XRRA1: variants seen among roughly 807,000 people sequenced by gnomAD.
XRRA1 encodes X-ray radiation resistance-associated protein 1.
A neutral mutation model predicts 80.2 loss-of-function variants in XRRA1; 69 were observed. The ratio of observed to expected loss-of-function variants is 0.86; its 90% confidence interval spans 0.71 to 1.05. The LOEUF (loss-of-function observed/expected upper bound fraction) is 1.05, where lower values mean the gene tolerates loss of function less well. XRRA1 is among the 50% of genes least tolerant of loss of function. The probability of loss-of-function intolerance (pLI) is 0.00; values close to 1 mark genes in which losing one functional copy is unlikely to be tolerated. For synonymous variants in XRRA1, 348 were observed against 389.9 expected (o/e 0.89, Z 1.27); for missense variants, 967 against 976.4 (o/e 0.99, Z 0.13).
rs745576276 is a variant in XRRA1, at chr11:74,843,377, CTTCAACAGCCTCTTG to C, written c.2211_2225del (p.Lys738_Lys742del). 14 of 1,612,190 alleles carry C rather than the reference CTTCAACAGCCTCTTG, an allele frequency of 8.7e-6. No individual in the cohort carries two copies. The highest frequency in any genetic ancestry group is 1.1e-5 in the Non-Finnish European group (13 of 1,179,254). The stretch of plus-strand genomic sequence containing the variant: ...GCTGCCGGTAACGTGCCTGGAACTC[CTTCAACAGCCTCTTG>C]GCCTCCAGGTACTGCTTGTGGTTCA... On this transcript the variant is annotated inframe_deletion, in exon 19 of 19. Coordinates refer to ENST00000684022, the MANE Select transcript of XRRA1 (RefSeq NM_001378157.1).
At chr11:74,944,154 C>T (rs1448372055) in intron 2 of XRRA1, among the ~76,000 whole-genome samples, 1 of 152,156 alleles carries the variant, frequency 6.6e-6, no homozygotes, top group African/African-American at 2.4e-5. Context: ...TCTTTCGTGG[C>T]CCGACCTCAC....
At chr11:74,887,563 C>T (rs745671133) in intron 10 of XRRA1, among the ~76,000 whole-genome samples, 3 of 152,094 alleles carry the variant, frequency 2.0e-5, no homozygotes, top group Non-Finnish European at 2.9e-5. Flanking sequence ...TGGGGAGTGT[C>T]GGAAAGTGGG....
intron 10 of XRRA1, among the ~76,000 whole-genome samples, chr11:74,878,825 C>G (rs1405065426): frequency 6.6e-6 from 1 of 151,616 alleles, no homozygotes; most frequent in African/African-American, 2.4e-5. Context: ...TGGTCTATAT[C>G]TCTGTTTTGG....
intron 10 of XRRA1, among the ~76,000 whole-genome samples, chr11:74,887,903 G>C (rs998205268): frequency 1.3e-5 from 2 of 152,130 alleles, no homozygotes; most frequent in Admixed American, 1.3e-4. Flanking sequence ...CGAGGCTTGA[G>C]TAGGTAAACA....
intron 10 of XRRA1, among the ~76,000 whole-genome samples, chr11:74,875,429 A>G (rs970357184): frequency 6.6e-6 from 1 of 152,108 alleles, no homozygotes; most frequent in Non-Finnish European, 1.5e-5. Flanking sequence ...GGCAAACTCC[A>G]CTTGCCAGCC....
intron 9 of XRRA1, among the ~76,000 whole-genome samples, 154 bp from the exon 10 acceptor site, chr11:74,906,610 A>G (rs1032759091): frequency 6.6e-6 from 1 of 152,134 alleles, no homozygotes; most frequent in African/African-American, 2.4e-5. Flanking sequence ...CTGGGATTCA[A>G]TATCCCTGTC....
chr11:74,941,798 T>C (rs550628017), intron 2 of XRRA1, among the ~76,000 whole-genome samples: 87 of 151,442 alleles, frequency 5.7e-4, no homozygotes, highest in African/African-American at 2.0e-3. Flanking sequence ...TTCATGTTAA[T>C]AAACTAAAGA....
chr11:74,879,206 A>G (rs1368826822), intron 10 of XRRA1, among the ~76,000 whole-genome samples: 48 of 150,176 alleles, frequency 3.2e-4, no homozygotes, highest in African/African-American at 1.1e-3. Flanking sequence ...ATTCCTAGGT[A>G]TTTTATTCTC....
chr11:74,887,493 G>C (rs2049331141), intron 10 of XRRA1, among the ~76,000 whole-genome samples: 1 of 152,230 alleles, frequency 6.6e-6, no homozygotes, highest in Admixed American at 6.5e-5. Context: ...CTCCCAGCAT[G>C]AGCGACGCAG....
intron 10 of XRRA1, among the ~76,000 whole-genome samples, chr11:74,883,519 GC>G (rs1434139412): frequency 6.6e-6 from 1 of 151,426 alleles, no homozygotes; most frequent in African/African-American, 2.4e-5. Flanking sequence ...TTCCTATTCG[GC>G]CATCTTGGCT....
Position 74,843,914 on chromosome 11 carries a change from G to A in XRRA1, c.2089C>T (p.Leu697Phe), listed in dbSNP as rs754067985. The A allele has an allele frequency of 4.2e-5, 68 of 1,613,622 alleles. No individual in the cohort carries two copies. The highest frequency in any genetic ancestry group is 4.9e-5 in the Non-Finnish European group (58 of 1,179,808). ...AAGCGAATGAAGATGTCATCCAGAA[G>A]TTGGGCTCTAGTCTTCTTTGGGGGT... is the stretch of plus-strand genomic sequence containing the variant. ...IPPPKKTRAQ[L>F]LDDIFIRLRD... The change falls in exon 18 of 19, where the codon CTT becomes TTT. Residue 697 changes from leucine (L) to phenylalanine (F), a missense_variant. Leu to Phe is a conservative substitution (Grantham distance 22). Transcript: ENST00000684022.
At chr11:74,925,428 C>G (rs1941977093) in intron 7 of XRRA1, among the ~76,000 whole-genome samples, 1 of 152,182 alleles carries the variant, frequency 6.6e-6, no homozygotes. Context: ...TCTGCTGAGT[C>G]ACATCAAGTT....
In XRRA1 at chr11:74,856,213, A is replaced by G. The variant is rs563013008; in HGVS notation, c.1170+2945T>C. Reference sequence around the variant, plus strand: ...CATGTATCAGGTAATATTCTAGATAATGAGCATATAAGATGTAAGCAAAAC... The same window carrying G: ...CATGTATCAGGTAATATTCTAGATAGTGAGCATATAAGATGTAAGCAAAAC... On this transcript the variant is annotated intron_variant, in intron 12 of 18. Transcript: ENST00000684022. Among the ~76,000 whole-genome samples, 52 of 152,356 alleles carry G rather than the reference A, an allele frequency of 3.4e-4. 1 individual carries two copies. In the South Asian group the frequency reaches 6.8e-3, roughly 20 times the overall value.
chr11:74,923,338 C>G (rs188640210), intron 7 of XRRA1, among the ~76,000 whole-genome samples: 129 of 152,246 alleles, frequency 8.5e-4, no homozygotes, highest in Middle Eastern at 3.4e-3. Context: ...AAGTTCATGC[C>G]ACCATCAGCA....
chr11:74,875,030 C>T (rs570350624), intron 10 of XRRA1, among the ~76,000 whole-genome samples: 2 of 152,340 alleles, frequency 1.3e-5, no homozygotes, highest in Non-Finnish European at 2.9e-5. Flanking sequence ...CTAACATTTA[C>T]ACAGAATCCA....
chr11:74,887,395 A>T (rs1481626154), intron 10 of XRRA1, among the ~76,000 whole-genome samples: 1 of 152,252 alleles, frequency 6.6e-6, no homozygotes, highest in Non-Finnish European at 1.5e-5. Flanking sequence ...ATTAAAAAGT[A>T]GGCAAACGAC....
At chr11:74,939,858 AGAGAGC>A (rs1339297494) in intron 3 of XRRA1, among the ~76,000 whole-genome samples, 1 of 151,934 alleles carries the variant, frequency 6.6e-6, no homozygotes, top group Non-Finnish European at 1.5e-5. Context: ...AGAGAGAGAG[AGAGAGC>A]GAGAGCAAGA....
chr11:74,929,654 T>C (rs1352564121), intron 6 of XRRA1, among the ~76,000 whole-genome samples: 2 of 152,238 alleles, frequency 1.3e-5, no homozygotes, highest in Admixed American at 1.3e-4. Flanking sequence ...AAATGCCTTC[T>C]TACCTTCTAG....
At chr11:74,941,565 G>C (rs1210063025) in intron 2 of XRRA1, among the ~76,000 whole-genome samples, 1 of 152,158 alleles carries the variant, frequency 6.6e-6, no homozygotes, top group African/African-American at 2.4e-5. Flanking sequence ...GAAGGATGGT[G>C]CCTGCTCCTG....
Sources: allele counts gnomAD v4.1 joint callset (sites outside exome capture counted in the v4.1 genomes callset), GRCh38; gene constraint gnomAD v4.1.1; transcripts MANE v1.5; gene names NCBI Gene and HGNC (gene_info 2026-07-23, HGNC 2026-07-21).